Variants in AFG2A observed in about 807,000 individuals in gnomAD.
AFG2A encodes the protein AAA ATPase AFG2A.
chr4:123,135,396 G>T, the AFG2A span, among the ~76,000 whole-genome samples: 2 of 152,112 alleles, frequency 1.3e-5, no homozygotes, highest in African/African-American at 4.8e-5. Flanking sequence ...ACATAGTTCT[G>T]GAAGTCCTAG....
chr4:123,178,439 C>A, the AFG2A span, among the ~76,000 whole-genome samples: 89 of 152,330 alleles, frequency 5.8e-4, no homozygotes, highest in African/African-American at 2.0e-3. Flanking sequence ...AAATGTATCT[C>A]CATTCATATT....
chr4:123,164,098 A>C, the AFG2A span, among the ~76,000 whole-genome samples: 1 of 152,082 alleles, frequency 6.6e-6, no homozygotes, highest in Non-Finnish European at 1.5e-5. Context: ...CTTTTTATTG[A>C]GAAAACCACC....
At chr4:123,053,034 C>T in the AFG2A span, among the ~76,000 whole-genome samples, 2 of 152,166 alleles carry the variant, frequency 1.3e-5, no homozygotes, top group Non-Finnish European at 2.9e-5. Context: ...CATCTTCTTC[C>T]ACCTGCTTTT....
At chr4:122,932,575 T>G in the AFG2A span, among the ~76,000 whole-genome samples, 1 of 152,124 alleles carries the variant, frequency 6.6e-6, no homozygotes, top group African/African-American at 2.4e-5. Flanking sequence ...TTGTCTCCCC[T>G]CCTGATATGG....
the AFG2A span, among the ~76,000 whole-genome samples, chr4:123,270,080 T>G: frequency 1.3e-5 from 2 of 152,108 alleles, no homozygotes; most frequent in South Asian, 2.1e-4. Flanking sequence ...CTCCCAAAGT[T>G]CTGAGATTAC....
chr4:123,219,734 G>A, the AFG2A span, among the ~76,000 whole-genome samples: 4 of 152,042 alleles, frequency 2.6e-5, no homozygotes, highest in Non-Finnish European at 1.5e-5. Context: ...TTTTACTTGT[G>A]CATGTGTATA....
chr4:123,028,720 A>G, the AFG2A span, among the ~76,000 whole-genome samples: 3 of 152,170 alleles, frequency 2.0e-5, no homozygotes, highest in African/African-American at 7.2e-5. Context: ...TTGCTTAACC[A>G]GGACTTAAAG....
chr4:122,969,298 C>T, the AFG2A span, among the ~76,000 whole-genome samples: 4 of 152,016 alleles, frequency 2.6e-5, no homozygotes, highest in Non-Finnish European at 4.4e-5. Context: ...AATTGCTTCA[C>T]TTTTTTTCAT....
At chr4:122,953,431 C>T in the AFG2A span, among the ~76,000 whole-genome samples, 1 of 152,208 alleles carries the variant, frequency 6.6e-6, no homozygotes, top group African/African-American at 2.4e-5. Flanking sequence ...CTCTAGTATC[C>T]ACTAGGGCAC....
chr4:123,105,115 T>C, the AFG2A span, among the ~76,000 whole-genome samples: 2 of 152,120 alleles, frequency 1.3e-5, no homozygotes, highest in African/African-American at 4.8e-5. Flanking sequence ...GACTCTGTTG[T>C]TAGGGGCTAA....
chr4:123,060,440 G>A, the AFG2A span, among the ~76,000 whole-genome samples: 1 of 152,224 alleles, frequency 6.6e-6, no homozygotes, highest in Non-Finnish European at 1.5e-5. Flanking sequence ...CTAGGCGGAA[G>A]TTCCCAAACC....
chr4:122,952,719 C>G, the AFG2A span, among the ~76,000 whole-genome samples: 1 of 152,290 alleles, frequency 6.6e-6, no homozygotes, highest in South Asian at 2.1e-4. Flanking sequence ...CTTCCAGGAC[C>G]TCCATGGCTA....
At chr4:123,216,088 A>G in the AFG2A span, among the ~76,000 whole-genome samples, 4,858 of 152,274 alleles carry the variant, frequency 0.032, 272 homozygotes, top group African/African-American at 0.11. Flanking sequence ...ATTAAGTATT[A>G]TAGACATTGA....
chr4:123,056,902 A>G, the AFG2A span, among the ~76,000 whole-genome samples: 1 of 151,416 alleles, frequency 6.6e-6, no homozygotes, highest in South Asian at 2.1e-4. Context: ...TAACTGCTGA[A>G]AGTCACACAG....
the AFG2A span, chr4:122,938,011 A>T: frequency 5.8e-6 from 6 of 1,029,488 alleles, no homozygotes; most frequent in Non-Finnish European, 6.7e-6. Context: ...ATATCTTTAT[A>T]ATATTAAGTG....
the AFG2A span, among the ~76,000 whole-genome samples, chr4:122,932,550 G>A: frequency 6.6e-6 from 1 of 152,136 alleles, no homozygotes; most frequent in East Asian, 1.9e-4. Context: ...GTCACTGACA[G>A]AACTAGACAG....
the AFG2A span, among the ~76,000 whole-genome samples, chr4:122,956,406 C>A: frequency 3.3e-5 from 5 of 152,202 alleles, no homozygotes; most frequent in Non-Finnish European, 7.3e-5. Flanking sequence ...AAGCCAAGGT[C>A]ATCTTACTTC....
At chr4:123,063,020 A>G in the AFG2A span, among the ~76,000 whole-genome samples, 1 of 152,184 alleles carries the variant, frequency 6.6e-6, no homozygotes, top group African/African-American at 2.4e-5. Context: ...TGTAACCATA[A>G]AACTCTCATA....
chr4:122,979,884 C>T, the AFG2A span, among the ~76,000 whole-genome samples: 3 of 152,058 alleles, frequency 2.0e-5, no homozygotes, highest in East Asian at 1.9e-4. Flanking sequence ...GGTGACAGAG[C>T]GAGACCCTGT....
Sources: gnomAD v4.1 joint callset for allele counts (sites outside exome capture counted in the v4.1 genomes callset) on GRCh38, gnomAD v4.1.1 for gene constraint, MANE v1.5 for transcripts, NCBI Gene and HGNC (gene_info 2026-07-23, HGNC 2026-07-21) for gene names.